SRSF11: variants seen among roughly 807,000 people sequenced by gnomAD.
SRSF11 encodes serine and arginine rich splicing factor 11.
In SRSF11, 9 loss-of-function variants were observed where a neutral mutation model predicts 56.0. The observed-to-expected ratio is 0.16, with a 90% CI of 0.10 to 0.28. The LOEUF is 0.28. Ranked by LOEUF, SRSF11 falls within the 10% of genes least tolerant of loss-of-function variation. The pLI, the probability that SRSF11 is intolerant of heterozygous loss-of-function variation, is 1.00. For synonymous variants in SRSF11, 222 were observed against 215.3 expected (o/e 1.03, Z -0.27); for missense variants, 421 against 600.7 (o/e 0.70, Z 3.13).
At chr1:70,232,043 A>G in intron 2 of SRSF11, 1 of 1,525,002 alleles carries the variant, frequency 6.6e-7, no homozygotes, top group Non-Finnish European at 8.8e-7. Context: ...TACTCTAGAA[A>G]CTTAACCATT....
Position 70,228,572 on chromosome 1 carries a change from A to C in SRSF11, c.337+17A>C, listed in dbSNP as rs112010790. 7.5e-6 allele frequency: 12 copies of C among 1,609,692 alleles called. No homozygotes were observed. The African/African-American group carries it at 8.0e-5, about 11-fold the overall frequency. On this transcript the variant is annotated intron_variant, in intron 2 of 11. Coordinates refer to ENST00000370949, the MANE Select transcript of SRSF11 (RefSeq NM_001350605.2). Reference sequence around the variant, plus strand: ...ATGCAGAAGGTTTGTGCTTTGTTTAACTACCTATGTGGGCATCCTAAGATG... The same window carrying C: ...ATGCAGAAGGTTTGTGCTTTGTTTACCTACCTATGTGGGCATCCTAAGATG...
At chr1:70,241,387 A>G (rs986859070) in intron 7 of SRSF11, among the ~76,000 whole-genome samples, 2 of 152,138 alleles carry the variant, frequency 1.3e-5, no homozygotes, top group Non-Finnish European at 2.9e-5. Context: ...TTCTTGAAGT[A>G]TTACAGGGGT....
intron 7 of SRSF11, among the ~76,000 whole-genome samples, chr1:70,243,055 T>G (rs548845700): frequency 6.6e-6 from 1 of 152,234 alleles, no homozygotes; most frequent in East Asian, 1.9e-4. Context: ...GTTCAATAAC[T>G]CAAATAGTTT....
upstream of SRSF11, among the ~76,000 whole-genome samples, chr1:70,221,198 C>CA (rs946540946): frequency 5.9e-4 from 86 of 145,344 alleles, no homozygotes; most frequent in African/African-American, 1.6e-3. Context: ...TTCGCTCTTC[C>CA]AAAAAAAAAA....
chr1:70,207,022 C>T (rs1412575106), intron 1 of SRSF11, among the ~76,000 whole-genome samples: 2 of 151,590 alleles, frequency 1.3e-5, no homozygotes, highest in Non-Finnish European at 2.9e-5. Context: ...TCTCCAGTAG[C>T]TGGGATTATA....
chr1:70,236,085 A>G (rs1673935864), intron 5 of SRSF11, among the ~76,000 whole-genome samples: 1 of 152,150 alleles, frequency 6.6e-6, no homozygotes. Flanking sequence ...GGTGAAAGTC[A>G]CTATCAGTAA....
chr1:70,217,634 A>C (rs1195735404), upstream of SRSF11, among the ~76,000 whole-genome samples: 1 of 152,226 alleles, frequency 6.6e-6, no homozygotes, highest in East Asian at 1.9e-4. Context: ...ATGATATTGT[A>C]GATACAGTGA....
intron 2 of SRSF11, chr1:70,230,855 T>C (rs1672724873): frequency 8.5e-7 from 1 of 1,176,362 alleles, no homozygotes; most frequent in East Asian, 6.0e-5. Context: ...TGCAAAATTA[T>C]CCCATAATCT....
chr1:70,229,681 A>G, intron 2 of SRSF11: 3 of 985,246 alleles, frequency 3.0e-6, no homozygotes, highest in Non-Finnish European at 2.4e-6. Context: ...TGTTCATTTT[A>G]GATGCTATCT....
At chr1:70,238,485 A>G (rs948978276) in intron 6 of SRSF11, among the ~76,000 whole-genome samples, 1 of 152,244 alleles carries the variant, frequency 6.6e-6, no homozygotes, top group Non-Finnish European at 1.5e-5. Context: ...GATGATAGTC[A>G]GTGAATGTAG....
Position 70,221,575 on chromosome 1 carries a change from C to G in SRSF11, c.-62C>G. ...CCGCAATCCGGTTCCTCTTCCCCCTCCTTCTCACTGTTTGTTGTGTGTTTG... is the reference window on the plus strand; with the variant it reads ...CCGCAATCCGGTTCCTCTTCCCCCTGCTTCTCACTGTTTGTTGTGTGTTTG... On this transcript the variant is annotated 5_prime_UTR_variant, in exon 1 of 12. Transcript: ENST00000370949. 6.5e-7 allele frequency: 1 copy of G among 1,546,804 alleles called. No homozygotes were observed. The highest frequency in any genetic ancestry group is 8.7e-7 in the Non-Finnish European group (1 of 1,145,248).
chr1:70,243,877 C>G (rs1226877493), intron 7 of SRSF11, among the ~76,000 whole-genome samples: 1 of 152,110 alleles, frequency 6.6e-6, no homozygotes, highest in East Asian at 1.9e-4. Context: ...GGCAAAACCC[C>G]ATCGCTTAAA....
In SRSF11 at chr1:70,250,823, G is replaced by C. The variant is rs551026163; in HGVS notation, c.*18G>C. The C allele has an allele frequency of 6.2e-7, 1 of 1,604,124 alleles. No homozygotes were observed. Among genetic ancestry groups the C allele is most frequent in the Non-Finnish European group, 8.5e-7 (1 of 1,171,562 alleles). On this transcript the variant is annotated 3_prime_UTR_variant, in exon 12 of 12. Coordinates refer to ENST00000370949, the MANE Select transcript of SRSF11 (RefSeq NM_001350605.2). The stretch of plus-strand genomic sequence containing the variant: ...GTGACTGAATATTGCCTCTGAGGGA[G>C]TCCAACTGTATACCTGCATCAGTGT...
intron 5 of SRSF11, 29 bp from the exon 6 acceptor site, chr1:70,237,396 T>G: frequency 6.2e-7 from 1 of 1,607,716 alleles, no homozygotes; most frequent in Non-Finnish European, 8.5e-7. Context: ...TTAAAATATT[T>G]CAGATCCCAT....
At chr1:70,210,311 C>T (rs1669448302) in intron 1 of SRSF11, among the ~76,000 whole-genome samples, 1 of 152,040 alleles carries the variant, frequency 6.6e-6, no homozygotes, top group Non-Finnish European at 1.5e-5. Flanking sequence ...CTCATGCCAC[C>T]ACATTCAGCT....
In SRSF11 at chr1:70,205,741, T is replaced by G. The variant is rs575441517; in HGVS notation, c.-65T>G. On this transcript the variant is annotated 5_prime_UTR_variant, in exon 1 of 13. Transcript: ENST00000370950. ...TGGAGGACAGAGAAGCCTTTTCCGT[T>G]GCCGGTGCCGGCCTAGCGTCCTGGA... 262 of 487,122 alleles carry G rather than the reference T, an allele frequency of 5.4e-4. 1 individual carries two copies. In the East Asian group the frequency reaches 7.8e-3, roughly 14 times the overall value. 30.2% of individuals were successfully genotyped at this position (487,122 alleles called of 1,614,324 possible).
At chr1:70,211,101 C>CT (rs1303699186) in intron 1 of SRSF11, among the ~76,000 whole-genome samples, 3 of 151,858 alleles carry the variant, frequency 2.0e-5, no homozygotes, top group Admixed American at 6.6e-5. Context: ...TATTCTTGCT[C>CT]TTTTTTCCAA....
chr1:70,230,911 G>A (rs1672741618), intron 2 of SRSF11: 1 of 1,190,366 alleles, frequency 8.4e-7, no homozygotes, highest in African/African-American at 1.6e-5. Context: ...ATATCTAAAT[G>A]ATCTTCTCCC....
At chr1:70,216,274 A>T (rs926434867) in intron 1 of SRSF11, among the ~76,000 whole-genome samples, 7 of 148,234 alleles carry the variant, frequency 4.7e-5, no homozygotes, top group Admixed American at 6.7e-5. Flanking sequence ...GCACCAGTTA[A>T]TTTTTTTTTT....
Sources: allele counts gnomAD v4.1 joint callset (sites outside exome capture counted in the v4.1 genomes callset), GRCh38; gene constraint gnomAD v4.1.1; transcripts MANE v1.5; gene names NCBI Gene and HGNC (gene_info 2026-07-23, HGNC 2026-07-21).